Variants in GPR158 observed in about 807,000 individuals in gnomAD.
GPR158 encodes the protein metabotropic glycine receptor.
A neutral mutation model predicts 78.2 loss-of-function variants in GPR158; 30 were observed. The observed-to-expected ratio is 0.38, with a 90% CI of 0.29 to 0.52. GPR158 has a LOEUF of 0.52. GPR158 is among the 20% of genes least tolerant of loss of function. The probability of loss-of-function intolerance (pLI) is 0.83; values close to 1 mark genes in which losing one functional copy is unlikely to be tolerated. For synonymous variants in GPR158, 581 were observed against 591.1 expected, an observed-to-expected ratio of 0.98 and a Z score of 0.25; for missense variants, 1,463 against 1,523.5, an observed-to-expected ratio of 0.96 and a Z score of 0.66.
At chr10:25,349,781 C>T (rs1294571229) in intron 2 of GPR158, among the ~76,000 whole-genome samples, 1 of 146,304 alleles carries the variant, frequency 6.8e-6, no homozygotes, top group Non-Finnish European at 1.5e-5. Context: ...TGTAAGGGAA[C>T]ATATTCACAA....
chr10:25,245,835 T>G (rs1853682488), intron 2 of GPR158, among the ~76,000 whole-genome samples: 1 of 152,198 alleles, frequency 6.6e-6, no homozygotes, highest in African/African-American at 2.4e-5. Flanking sequence ...TTGAAAACAC[T>G]GAGGAACTAT....
At chr10:25,391,940 C>T (rs1039815229) in intron 2 of GPR158, among the ~76,000 whole-genome samples, 1 of 152,026 alleles carries the variant, frequency 6.6e-6, no homozygotes, top group East Asian at 1.9e-4. Context: ...TTTTCCCATG[C>T]TGTTATCTTG....
rs141511642 is a variant in GPR158, at chr10:25,356,533, G to C, written c.1009-39378G>C. ...CCAGGTGGGAGATGATTGAATCATGGGGGAGAGCTTTTCCCATGCTGTTCA... is the reference window on the plus strand; with the variant it reads ...CCAGGTGGGAGATGATTGAATCATGCGGGAGAGCTTTTCCCATGCTGTTCA... On this transcript the variant is annotated intron_variant, in intron 2 of 10. Transcript: ENST00000376351. 1.6e-3 allele frequency among the ~76,000 whole-genome samples: 244 copies of C among 152,132 alleles called. 1 individual carries two copies. The highest frequency in any genetic ancestry group is 2.9e-3 in the Non-Finnish European group (195 of 67,976).
At chr10:25,370,008 G>A (rs1176351845) in intron 2 of GPR158, among the ~76,000 whole-genome samples, 2 of 144,706 alleles carry the variant, frequency 1.4e-5, no homozygotes, top group Non-Finnish European at 3.1e-5. Context: ...GGGATCGGTG[G>A]TGATATCCCC....
chr10:25,471,645 A>G (rs1012054468), intron 5 of GPR158, among the ~76,000 whole-genome samples: 2 of 152,042 alleles, frequency 1.3e-5, no homozygotes, highest in Non-Finnish European at 2.9e-5. Context: ...CTTTTTAATG[A>G]TCACCATTCT....
At chr10:25,261,745 G>A (rs1019263910) in intron 2 of GPR158, among the ~76,000 whole-genome samples, 58 of 152,212 alleles carry the variant, frequency 3.8e-4, no homozygotes, top group African/African-American at 1.2e-3. Context: ...AATGATCTAC[G>A]CTTTTAACCA....
chr10:25,496,177 A>T (rs1445518406), intron 5 of GPR158, among the ~76,000 whole-genome samples: 1 of 152,126 alleles, frequency 6.6e-6, no homozygotes, highest in Admixed American at 6.5e-5. Flanking sequence ...CCATGTGAAC[A>T]TCCTTTTGAT....
chr10:25,218,622 A>G (rs1853252351), intron 1 of GPR158, among the ~76,000 whole-genome samples: 1 of 152,168 alleles, frequency 6.6e-6, no homozygotes, highest in South Asian at 2.1e-4. Flanking sequence ...TACTTTCTAA[A>G]TAAGATATTC....
chr10:25,434,727 C>A (rs1324602949), intron 4 of GPR158, among the ~76,000 whole-genome samples: 2 of 152,136 alleles, frequency 1.3e-5, no homozygotes, highest in Non-Finnish European at 2.9e-5. Context: ...ACGTTAAAGT[C>A]CATCTATCTA....
At chr10:25,444,438 G>T (rs906815950) in intron 4 of GPR158, among the ~76,000 whole-genome samples, 2 of 151,276 alleles carry the variant, frequency 1.3e-5, no homozygotes, top group Non-Finnish European at 3.0e-5. Flanking sequence ...TGTGTATGTG[G>T]TGTTTGAGTG....
chr10:25,557,197 T>G (rs1189317892), intron 6 of GPR158, among the ~76,000 whole-genome samples: 25 of 152,220 alleles, frequency 1.6e-4, no homozygotes, highest in Admixed American at 1.6e-3. Flanking sequence ...CTCTGTGTAG[T>G]TATGGGTCTT....
chr10:25,296,916 A>G (rs1012993377), intron 2 of GPR158, among the ~76,000 whole-genome samples: 8 of 152,218 alleles, frequency 5.3e-5, no homozygotes, highest in Non-Finnish European at 1.0e-4. Context: ...AGTTAGATTC[A>G]TAAAGCATTT....
intron 2 of GPR158, among the ~76,000 whole-genome samples, chr10:25,247,114 C>T (rs1853703170): frequency 6.6e-6 from 1 of 152,138 alleles, no homozygotes; most frequent in Non-Finnish European, 1.5e-5. Flanking sequence ...TCAGCACTAG[C>T]TGGAGCCATG....
At chr10:25,383,793 T>G (rs926818708) in intron 2 of GPR158, among the ~76,000 whole-genome samples, 2 of 152,238 alleles carry the variant, frequency 1.3e-5, no homozygotes, top group South Asian at 4.1e-4. Context: ...GACTCTAAAG[T>G]GACCATGCAC....
chr10:25,193,191 G>A (rs1852797196), intron 1 of GPR158, among the ~76,000 whole-genome samples: 1 of 152,092 alleles, frequency 6.6e-6, no homozygotes, highest in African/African-American at 2.4e-5. Context: ...TTGTGGGGAT[G>A]GGGGAAATGC....
At chr10:25,434,854 A>C (rs1301701591) in intron 4 of GPR158, among the ~76,000 whole-genome samples, 1 of 152,220 alleles carries the variant, frequency 6.6e-6, no homozygotes, top group Non-Finnish European at 1.5e-5. Context: ...GGTGAAGCTT[A>C]AATGTGTGGA....
In GPR158 at chr10:25,259,581, G is replaced by A. The variant is rs576619952; in HGVS notation, c.1008+38424G>A. Among the ~76,000 whole-genome samples the A allele has an allele frequency of 3.9e-5, 6 of 152,190 alleles. 1 individual carries two copies. The East Asian group carries it at 1.2e-3, about 29-fold the overall frequency. On this transcript the variant is annotated intron_variant, in intron 2 of 10. Coordinates refer to ENST00000376351, the MANE Select transcript of GPR158 (RefSeq NM_020752.3). ...CTTCCTTAGATGTGTCTTGGCCTTTGTTGATCATCCCTCTTTTAAATAAAT... is the reference window on the plus strand; with the variant it reads ...CTTCCTTAGATGTGTCTTGGCCTTTATTGATCATCCCTCTTTTAAATAAAT...
intron 1 of GPR158, among the ~76,000 whole-genome samples, chr10:25,206,565 A>G (rs1853034048): frequency 6.6e-6 from 1 of 152,220 alleles, no homozygotes; most frequent in East Asian, 1.9e-4. Context: ...TTAATAATTG[A>G]TAACATTTTG....
chr10:25,587,671 T>G, intron 7 of GPR158, among the ~76,000 whole-genome samples: 1 of 151,954 alleles, frequency 6.6e-6, no homozygotes, highest in East Asian at 1.9e-4. Flanking sequence ...TCCACCATGC[T>G]GAATAAGACA....
Sources: allele counts gnomAD v4.1 joint callset (sites outside exome capture counted in the v4.1 genomes callset), GRCh38; gene constraint gnomAD v4.1.1; transcripts MANE v1.5; gene names NCBI Gene and HGNC (gene_info 2026-07-23, HGNC 2026-07-21).